Variants in BTBD9 observed in about 807,000 individuals in gnomAD.
BTBD9 encodes the protein BTB/POZ domain-containing protein 9.
In BTBD9, 49 loss-of-function variants were observed where a neutral mutation model predicts 64.3. The ratio of observed to expected loss-of-function variants is 0.76; its 90% CI spans 0.61 to 0.97. The LOEUF is 0.97. Among genes scored for constraint, BTBD9 ranks in the 50% least tolerant of loss-of-function variants. The probability of loss-of-function intolerance (pLI) is 0.00; values close to 1 mark genes in which losing one functional copy is unlikely to be tolerated. For synonymous variants in BTBD9, 260 were observed against 274.7 expected (o/e 0.95, Z 0.53); for missense variants, 598 against 762.1 (o/e 0.78, Z 2.53).
At chr6:38,499,426 A>G (rs1772097644) in intron 6 of BTBD9, among the ~76,000 whole-genome samples, 1 of 152,224 alleles carries the variant, frequency 6.6e-6, no homozygotes, top group Admixed American at 6.5e-5. Flanking sequence ...TGGGAACTTT[A>G]TAGACAATAG....
At chr6:38,192,705 A>T in intron 9 of BTBD9, 108 bp from the exon 10 acceptor site, 1 of 932,496 alleles carries the variant, frequency 1.1e-6, no homozygotes, top group South Asian at 1.4e-5. Context: ...CTGTCCTCGG[A>T]GACCTGCACT....
intron 1 of BTBD9, among the ~76,000 whole-genome samples, chr6:38,626,264 A>G (rs1778164993): frequency 6.6e-6 from 1 of 152,234 alleles, no homozygotes; most frequent in South Asian, 2.1e-4. Context: ...ATCATGGAAA[A>G]TGGGGTATCC....
chr6:38,202,924 A>G lies in BTBD9; in HGVS notation c.1563-10327T>C, dbSNP rs1018448170. 2.0e-5 allele frequency among the ~76,000 whole-genome samples: 3 copies of G among 152,240 alleles called. No individual in the cohort carries two copies. In the South Asian group the frequency reaches 6.2e-4, roughly 31 times the overall value. ...ATAGAGTGATAAGGTAATCTGTTGA[A>G]TAGGAGAAAATACCCGCAAACTATT... On this transcript the variant is annotated intron_variant, in intron 9 of 10. Transcript: ENST00000481247.
At chr6:38,372,033 T>G (rs1045522926) in intron 6 of BTBD9, among the ~76,000 whole-genome samples, 1 of 151,982 alleles carries the variant, frequency 6.6e-6, no homozygotes, top group Non-Finnish European at 1.5e-5. Flanking sequence ...GTAAAAGAAG[T>G]AGGTTCAATT....
chr6:38,264,138 C>T (rs183482919), intron 8 of BTBD9, among the ~76,000 whole-genome samples: 2 of 152,276 alleles, frequency 1.3e-5, no homozygotes, highest in Non-Finnish European at 2.9e-5. Flanking sequence ...GGCTCAGTGG[C>T]ATCAGTGGAG....
chr6:38,556,487 T>C (rs542936266), intron 6 of BTBD9, among the ~76,000 whole-genome samples: 1 of 151,432 alleles, frequency 6.6e-6, no homozygotes, highest in East Asian at 2.0e-4. Context: ...AGCATATGGA[T>C]ATTATCTTTG....
intron 6 of BTBD9, among the ~76,000 whole-genome samples, chr6:38,371,917 A>C (rs925567310): frequency 6.6e-6 from 1 of 152,244 alleles, no homozygotes; most frequent in Non-Finnish European, 1.5e-5. Context: ...TAATTTTTAT[A>C]AAACTGAAGG....
At chr6:38,393,942 G>A (rs933188476) in intron 6 of BTBD9, among the ~76,000 whole-genome samples, 1 of 152,138 alleles carries the variant, frequency 6.6e-6, no homozygotes, top group Admixed American at 6.6e-5. Flanking sequence ...GTAATATCCT[G>A]GGGATACAAA....
At chr6:38,621,971 T>C (rs1221746811) in intron 1 of BTBD9, among the ~76,000 whole-genome samples, 1 of 152,174 alleles carries the variant, frequency 6.6e-6, no homozygotes, top group Non-Finnish European at 1.5e-5. Context: ...CACAGGGGCA[T>C]AGTTTTCTCC....
At chr6:38,325,421 C>T (rs1243418847) in intron 7 of BTBD9, among the ~76,000 whole-genome samples, 2 of 152,188 alleles carry the variant, frequency 1.3e-5, no homozygotes, top group African/African-American at 4.8e-5. Flanking sequence ...TGCGGTGGCT[C>T]ATGCCTGTAA....
At chr6:38,494,090 T>C (rs1771826089) in intron 6 of BTBD9, among the ~76,000 whole-genome samples, 1 of 152,192 alleles carries the variant, frequency 6.6e-6, no homozygotes, top group African/African-American at 2.4e-5. Context: ...ATGAAGAGAT[T>C]CGATGACTTC....
chr6:38,183,951 C>A (rs1414116456), intron 10 of BTBD9, among the ~76,000 whole-genome samples: 4 of 152,232 alleles, frequency 2.6e-5, no homozygotes, highest in Non-Finnish European at 5.9e-5. Flanking sequence ...GATGCTACAA[C>A]ACAGTCTCTG....
At chr6:38,276,928 T>C (rs1342479548) in intron 8 of BTBD9, among the ~76,000 whole-genome samples, 1 of 152,222 alleles carries the variant, frequency 6.6e-6, no homozygotes, top group Non-Finnish European at 1.5e-5. Flanking sequence ...GATCTTGGAA[T>C]GTTGTATGTA....
intron 6 of BTBD9, among the ~76,000 whole-genome samples, chr6:38,525,012 A>G (rs953646246): frequency 2.0e-4 from 30 of 152,182 alleles, no homozygotes; most frequent in African/African-American, 7.2e-4. Flanking sequence ...TTTAAGACTG[A>G]CATAGGCACT....
intron 6 of BTBD9, among the ~76,000 whole-genome samples, chr6:38,393,954 A>C (rs1051183880): frequency 2.0e-5 from 3 of 152,180 alleles, no homozygotes; most frequent in African/African-American, 7.2e-5. Context: ...GGATACAAAA[A>C]CGAAAAGATG....
chr6:38,334,908 T>C lies in BTBD9; in HGVS notation c.1264+10076A>G, dbSNP rs190922293. On this transcript the variant is annotated intron_variant, in intron 7 of 10. Coordinates refer to ENST00000481247, the MANE Select transcript of BTBD9 (RefSeq NM_001099272.2). ...AGATACATATTGATATGGTTTGGCT[T>C]TGTGTCCCCACCCAAATCTCATCTT... Among the ~76,000 whole-genome samples, 298 of 152,246 alleles carry C rather than the reference T, an allele frequency of 2.0e-3. 2 individuals carry two copies. Among genetic ancestry groups the C allele is most frequent in the African/African-American group, 7.0e-3 (291 of 41,554 alleles).
At chr6:38,232,707 C>T (rs1257904692) in intron 9 of BTBD9, among the ~76,000 whole-genome samples, 1 of 151,344 alleles carries the variant, frequency 6.6e-6, no homozygotes, top group Non-Finnish European at 1.5e-5. Context: ...CTATGTTACC[C>T]AGGCTGGTTT....
At chr6:38,370,586 A>T (rs1038341395) in intron 6 of BTBD9, among the ~76,000 whole-genome samples, 2 of 152,234 alleles carry the variant, frequency 1.3e-5, no homozygotes, top group East Asian at 3.8e-4. Context: ...TCCACACACA[A>T]GTGACAAAAG....
chr6:38,219,235 A>C (rs1763119155), intron 9 of BTBD9, among the ~76,000 whole-genome samples: 3 of 149,684 alleles, frequency 2.0e-5, no homozygotes, highest in Non-Finnish European at 4.4e-5. Context: ...CCTGGGTTCA[A>C]ACAATTCCCC....
Sources: gnomAD v4.1 joint callset for allele counts (sites outside exome capture counted in the v4.1 genomes callset) on GRCh38, gnomAD v4.1.1 for gene constraint, MANE v1.5 for transcripts, NCBI Gene and HGNC (gene_info 2026-07-23, HGNC 2026-07-21) for gene names.